The following EPSTI1 variants were observed in gnomAD, a reference collection of about 807,000 sequenced individuals.
EPSTI1 encodes the protein epithelial-stromal interaction protein 1.
Under a neutral mutation model 49.9 loss-of-function variants are expected in EPSTI1, and 66 were observed. The observed-to-expected ratio is 1.32, with a 90% CI of 1.08 to 1.62. EPSTI1 has a LOEUF of 1.62. Ranked by LOEUF, EPSTI1 falls within the 40% of genes most tolerant of loss-of-function variation. The pLI is 0.00. For missense variants in EPSTI1, 394 were observed against 365.5 expected (o/e 1.08, Z -0.64); for synonymous variants, 137 against 130.7 (o/e 1.05, Z -0.33).
intron 1 of EPSTI1, among the ~76,000 whole-genome samples, chr13:42,986,754 A>C (rs930904350): frequency 2.0e-5 from 3 of 151,044 alleles, no homozygotes; most frequent in Admixed American, 6.6e-5. Flanking sequence ...CAAAAAAAAA[A>C]AAAAAAAAAA....
Position 42,992,138 on chromosome 13 carries a change from A to C in EPSTI1, c.28T>G (p.Ser10Ala), listed in dbSNP as rs2040208936. 1 of 1,603,894 alleles carries C rather than the reference A, an allele frequency of 6.2e-7. No individual in the cohort carries two copies. Among genetic ancestry groups the C allele is most frequent in the Middle Eastern group, 1.7e-4 (1 of 6,008 alleles). MNTRNRVVN[S>A]GLGASPASRP... ...GAGGCAGGGGAGGCGCCGAGCCCGG[A>C]GTTCACCACTCTATTGCGGGTGTTC... Residue 10 changes from serine to alanine, a missense_variant, in exon 1 of 11, where the codon TCC becomes GCC. Transcript: ENST00000313624.
At chr13:42,931,904 G>A (rs971861281) in intron 6 of EPSTI1, among the ~76,000 whole-genome samples, 1 of 152,066 alleles carries the variant, frequency 6.6e-6, no homozygotes, top group Non-Finnish European at 1.5e-5. Context: ...TTTTTTCTAA[G>A]ATATACACCT....
chr13:42,949,401 C>T (rs576201819), intron 6 of EPSTI1, among the ~76,000 whole-genome samples: 1 of 152,150 alleles, frequency 6.6e-6, no homozygotes. Context: ...ACCAGCCTGG[C>T]CAATATGGTG....
chr13:42,989,590 T>C (rs1361869386), intron 1 of EPSTI1, among the ~76,000 whole-genome samples: 1 of 121,820 alleles, frequency 8.2e-6, no homozygotes, highest in African/African-American at 2.8e-5. Flanking sequence ...TTTTGCTTTT[T>C]GTTTTGTTTT....
chr13:42,971,985 T>C (rs2039779137), intron 1 of EPSTI1, among the ~76,000 whole-genome samples: 1 of 152,222 alleles, frequency 6.6e-6, no homozygotes, highest in Non-Finnish European at 1.5e-5. Flanking sequence ...GCACATTCTT[T>C]GTACACCCTA....
intron 7 of EPSTI1, among the ~76,000 whole-genome samples, chr13:42,918,569 A>G (rs1184888949): frequency 6.6e-6 from 1 of 152,182 alleles, no homozygotes; most frequent in Non-Finnish European, 1.5e-5. Context: ...AGCACTTCTT[A>G]GTTCATTCTG....
At chr13:42,991,903 G>A (rs915835768) in intron 1 of EPSTI1, 75 bp downstream of exon 1, 1 of 1,549,700 alleles carries the variant, frequency 6.5e-7, no homozygotes, top group African/African-American at 1.4e-5. Context: ...TAAACTCCAA[G>A]GACCAAGGTG....
chr13:42,956,662 T>A (rs1454100334), intron 5 of EPSTI1, among the ~76,000 whole-genome samples: 1 of 152,214 alleles, frequency 6.6e-6, no homozygotes, highest in East Asian at 1.9e-4. Context: ...ACCGCCTGGA[T>A]GGAGAATTGG....
At chr13:42,908,727 C>T (rs2037574313) in intron 8 of EPSTI1, among the ~76,000 whole-genome samples, 1 of 151,806 alleles carries the variant, frequency 6.6e-6, no homozygotes, top group Non-Finnish European at 1.5e-5. Flanking sequence ...GGGTCAGTAT[C>T]CAAAACACAT....
chr13:42,929,481 A>G (rs1367354712), intron 6 of EPSTI1, among the ~76,000 whole-genome samples: 1 of 152,218 alleles, frequency 6.6e-6, no homozygotes, highest in Non-Finnish European at 1.5e-5. Flanking sequence ...CAAATCCTGT[A>G]GTAGGGTCTT....
intron 7 of EPSTI1, among the ~76,000 whole-genome samples, chr13:42,921,170 A>T (rs1479343640): frequency 1.3e-5 from 2 of 152,160 alleles, no homozygotes. Context: ...AAAATGAATT[A>T]AAAAAAGACT....
intron 9 of EPSTI1, among the ~76,000 whole-genome samples, chr13:42,895,548 T>C (rs532317693): frequency 2.4e-4 from 37 of 152,292 alleles, no homozygotes; most frequent in African/African-American, 8.9e-4. Flanking sequence ...TTCCCTGCAC[T>C]CCACTGCCAG....
chr13:42,888,361 T>TGCAC lies in EPSTI1; in HGVS notation c.*129_*132dup. Reference sequence around the variant, plus strand: ...CAAGGAGAAGCCAGTCACTCCTGACTGCACGGTCAAGTGTGTGGGCAGTTG... The same window carrying TGCAC: ...CAAGGAGAAGCCAGTCACTCCTGACTGCACGCACGGTCAAGTGTGTGGGCAGTTG... On this transcript the variant is annotated 3_prime_UTR_variant, in exon 11 of 11. Coordinates refer to ENST00000313624, the MANE Select transcript of EPSTI1 (RefSeq NM_033255.5). The TGCAC allele has an allele frequency of 8.7e-6, 14 of 1,614,186 alleles. No homozygotes were observed. Among genetic ancestry groups the TGCAC allele is most frequent in the Non-Finnish European group, 1.2e-5 (14 of 1,180,026 alleles).
intron 3 of EPSTI1, among the ~76,000 whole-genome samples, chr13:42,968,035 C>T (rs747990322): frequency 9.2e-5 from 14 of 152,088 alleles, no homozygotes; most frequent in Admixed American, 4.6e-4. Flanking sequence ...TGTTTTAGGC[C>T]TAGAATTAGC....
chr13:42,941,304 T>C (rs907428132), intron 6 of EPSTI1, among the ~76,000 whole-genome samples: 4 of 152,238 alleles, frequency 2.6e-5, no homozygotes, highest in Non-Finnish European at 5.9e-5. Context: ...AGATTCTCTA[T>C]AGCATTCAAT....
intron 5 of EPSTI1, 61 bp downstream of exon 5, chr13:42,963,194 C>A (rs1397329752): frequency 5.1e-6 from 7 of 1,367,284 alleles, no homozygotes; most frequent in South Asian, 2.5e-5. Context: ...TAATAAAAAT[C>A]TTCTACAACG....
chr13:42,905,777 A>G (rs1157246500), intron 8 of EPSTI1, among the ~76,000 whole-genome samples: 1 of 152,210 alleles, frequency 6.6e-6, no homozygotes, highest in African/African-American at 2.4e-5. Context: ...ACACCCAGAA[A>G]CAACTCTGAC....
At chr13:42,968,776 G>C (rs1239481601) in intron 3 of EPSTI1, among the ~76,000 whole-genome samples, 1 of 151,924 alleles carries the variant, frequency 6.6e-6, no homozygotes, top group Non-Finnish European at 1.5e-5. Context: ...CTATGACAGG[G>C]CATATGCAGC....
chr13:42,940,617 C>T (rs995818576), intron 6 of EPSTI1, among the ~76,000 whole-genome samples: 4 of 152,330 alleles, frequency 2.6e-5, no homozygotes, highest in African/African-American at 9.6e-5. Context: ...CTGTGTCACC[C>T]AGCCTGGAGT....
Sources: gnomAD v4.1 joint callset for allele counts (sites outside exome capture counted in the v4.1 genomes callset) on GRCh38, gnomAD v4.1.1 for gene constraint, MANE v1.5 for transcripts, NCBI Gene and HGNC (gene_info 2026-07-23, HGNC 2026-07-21) for gene names.